The following TET1 variants were observed in gnomAD, a reference collection of about 807,000 sequenced individuals.
The protein encoded by TET1 is methylcytosine dioxygenase TET1.
TET1 carries 13 observed loss-of-function variants against 148.7 expected under a neutral mutation model. That is an observed-to-expected ratio of 0.09 (90% confidence interval 0.06 to 0.14). The LOEUF (loss-of-function observed/expected upper bound fraction) is 0.14. TET1 is among the 10% of genes least tolerant of loss of function. The pLI is 1.00. For missense variants in TET1, 2,182 were observed against 2,553.8 expected (o/e 0.85, Z 3.14); for synonymous variants, 907 against 937.2 (o/e 0.97, Z 0.59).
chr10:68,596,025 C>CATATATATATATATAT (rs1270482577), intron 2 of TET1, among the ~76,000 whole-genome samples: 3 of 55,996 alleles, frequency 5.4e-5, no homozygotes, highest in African/African-American at 1.7e-4. Context: ...CACACACACA[C>CATATATATATATATAT]ACATATATAT....
chr10:68,654,875 G>C (rs955716234), intron 6 of TET1, among the ~76,000 whole-genome samples: 10 of 152,230 alleles, frequency 6.6e-5, no homozygotes, highest in African/African-American at 2.4e-4. Flanking sequence ...GAGTGGTGCA[G>C]CTGGAAGACC....
intron 3 of TET1, among the ~76,000 whole-genome samples, chr10:68,624,966 C>T (rs1225898640): frequency 6.7e-6 from 1 of 150,110 alleles, no homozygotes; most frequent in Non-Finnish European, 1.5e-5. Context: ...GATCTCCTGA[C>T]CTCGTGATCT....
Position 68,645,414 on chromosome 10 carries a change from G to A in TET1, c.2685G>A (p.Glu895=), listed in dbSNP as rs2133086987. ...RLTLEQVVAI[E]ALTQLSEAPS... is the part of the protein sequence containing the mutation. Reference sequence around the variant, plus strand: ...CATTGGAGCAAGTGGTAGCCATAGAGGCCCTGACTCAACTCTCAGAAGCCC... The same window carrying A: ...CATTGGAGCAAGTGGTAGCCATAGAAGCCCTGACTCAACTCTCAGAAGCCC... Residue 895 remains glutamate (E), a synonymous_variant, in exon 4 of 12, where the codon GAG becomes GAA. Coordinates refer to ENST00000373644, the MANE Select transcript of TET1 (RefSeq NM_030625.3). The A allele has an allele frequency of 6.2e-7, 1 of 1,613,996 alleles. No individual in the cohort carries two copies. The highest frequency in any genetic ancestry group is 1.1e-5 in the South Asian group (1 of 91,076).
intron 2 of TET1, among the ~76,000 whole-genome samples, chr10:68,583,679 G>A (rs1226783895): frequency 1.3e-5 from 2 of 152,110 alleles, no homozygotes; most frequent in East Asian, 1.9e-4. Context: ...TCGGGAGGCC[G>A]AGGCAAGCAG....
chr10:68,603,336 C>T (rs550695346), intron 3 of TET1, among the ~76,000 whole-genome samples: 9 of 152,222 alleles, frequency 5.9e-5, no homozygotes, highest in East Asian at 1.9e-4. Flanking sequence ...TAGTTGGATA[C>T]GTGAAGAACC....
At chr10:68,671,436 A>G (rs968153713) in intron 7 of TET1, among the ~76,000 whole-genome samples, 2 of 152,054 alleles carry the variant, frequency 1.3e-5, no homozygotes, top group African/African-American at 2.4e-5. Context: ...CATTTTCTTT[A>G]TCTAATCTGT....
chr10:68,561,579 T>C (rs896946055), intron 1 of TET1, among the ~76,000 whole-genome samples: 2 of 152,070 alleles, frequency 1.3e-5, no homozygotes, highest in African/African-American at 2.4e-5. Flanking sequence ...AGCTGGGTGC[T>C]GGGGCTGGTC....
chr10:68,655,474 A>G (rs1323028164), intron 6 of TET1, among the ~76,000 whole-genome samples: 1 of 152,190 alleles, frequency 6.6e-6, no homozygotes, highest in African/African-American at 2.4e-5. Context: ...TTGTCTATTA[A>G]GTGGTAAGGA....
chr10:68,563,588 A>G (rs1372326037), intron 1 of TET1, among the ~76,000 whole-genome samples: 3 of 152,214 alleles, frequency 2.0e-5, no homozygotes, highest in Non-Finnish European at 4.4e-5. Flanking sequence ...TACATCAGTT[A>G]AGCATTTTTG....
intron 2 of TET1, among the ~76,000 whole-genome samples, chr10:68,599,672 T>C (rs2132869240): frequency 6.6e-6 from 1 of 152,320 alleles, no homozygotes; most frequent in African/African-American, 2.4e-5. Flanking sequence ...GCGAGTCTGG[T>C]GCGCAGACCG....
Position 68,614,129 on chromosome 10 carries a change from T to A in TET1, c.1968+13095T>A, listed in dbSNP as rs190493669. Among the ~76,000 whole-genome samples, 21 of 152,332 alleles carry A rather than the reference T, an allele frequency of 1.4e-4. No individual in the cohort carries two copies. The East Asian group carries it at 3.9e-3, about 28-fold the overall frequency. ...GAAGATTGGAACATTTCATGAGAAA[T>A]TTAATCCACCTGTCCAGGGTTTATT... On this transcript the variant is annotated intron_variant, in intron 3 of 11. Transcript: ENST00000373644.
At position 68,610,556 on chromosome 10, in the gene TET1, C is replaced by A. The variant is rs554787577; in HGVS notation, c.1968+9522C>A. ...CAGTGAGTTGAGATCGCCCACTGCA[C>A]TCCACCCTGGGTGACAGAGGGAGAT... On this transcript the variant is annotated intron_variant, in intron 3 of 11. Transcript: ENST00000373644. Among the ~76,000 whole-genome samples, 36 of 152,232 alleles carry A rather than the reference C, an allele frequency of 2.4e-4. No homozygotes were observed. In the South Asian group the frequency reaches 7.5e-3, roughly 32 times the overall value.
chr10:68,629,804 G>A (rs2054542429), intron 3 of TET1, among the ~76,000 whole-genome samples: 1 of 152,014 alleles, frequency 6.6e-6, no homozygotes, highest in African/African-American at 2.4e-5. Flanking sequence ...CCAAAGTGCT[G>A]GGATTACAGG....
At position 68,646,127 on chromosome 10, in the gene TET1, A is replaced by G. The variant is rs748349829; in HGVS notation, c.3398A>G (p.Asn1133Ser). The change falls in exon 4 of 12, where the codon AAT (asparagine) becomes AGT (serine). Residue 1133 changes from asparagine to serine, a missense_variant. Physicochemically the swap from Asn to Ser is conservative, Grantham distance 46. Coordinates refer to ENST00000373644, the MANE Select transcript of TET1 (RefSeq NM_030625.3). Reference sequence around the variant, plus strand: ...CAGAAACCACCTTCAAGTGTACACAATAATCATGGTTCATCATTAACAAAA... The same window carrying G: ...CAGAAACCACCTTCAAGTGTACACAGTAATCATGGTTCATCATTAACAAAA... The part of the protein sequence containing the change: ...IQQKPPSSVH[N>S]NHGSSLTKQK... 3.7e-6 allele frequency: 6 copies of G among 1,613,656 alleles called. No homozygotes were observed. Among genetic ancestry groups the G allele is most frequent in the African/African-American group, 1.3e-5 (1 of 74,868 alleles).
intron 2 of TET1, among the ~76,000 whole-genome samples, 156 bp from the exon 3 acceptor site, chr10:68,600,825 A>G (rs749433603): frequency 2.6e-5 from 4 of 152,174 alleles, no homozygotes; most frequent in Non-Finnish European, 4.4e-5. Context: ...TAAAGTATAC[A>G]TTTTACATAA....
chr10:68,646,448 C>T lies in TET1; in HGVS notation c.3719C>T (p.Thr1240Ile). Residue 1240 changes from threonine to isoleucine, a missense_variant, in exon 4 of 12, where the codon ACT becomes ATT. By Grantham distance (89) the Thr-to-Ile change is moderately conservative. Transcript: ENST00000373644. ...CCCAAAACAGTATTTCCACCACTCA[C>T]TCAGATAAAATTACAGAGATATCCT... Reference protein sequence around the residue: ...MQPKTVFPPLTQIKLQRYPES... With the variant: ...MQPKTVFPPLIQIKLQRYPES... 1.9e-6 allele frequency: 3 copies of T among 1,614,166 alleles called. No homozygotes were observed. Among genetic ancestry groups the T allele is most frequent in the Non-Finnish European group, 2.5e-6 (3 of 1,180,040 alleles).
At chr10:68,627,933 C>CT (rs1315383892) in intron 3 of TET1, among the ~76,000 whole-genome samples, 1 of 151,212 alleles carries the variant, frequency 6.6e-6, no homozygotes, top group African/African-American at 2.4e-5. Flanking sequence ...GAGACTATGT[C>CT]TAAAAAAAAA....
In TET1 at chr10:68,645,454, T is replaced by C. The variant is rs770781811; in HGVS notation, c.2725T>C (p.Ser909Pro). The C allele has an allele frequency of 1.2e-6, 2 of 1,613,852 alleles. No homozygotes were observed. The highest frequency in any genetic ancestry group is 1.7e-6 in the Non-Finnish European group (2 of 1,180,022). ...QLSEAPSENS[S>P]PSKSEKDEES... ...CTCAGAAGCCCCATCAGAGAATTCC[T>C]CCCCATCAAAGTCAGAGAAGGATGA... Residue 909 changes from serine (S) to proline (P), a missense_variant, in exon 4 of 12, where the codon TCC (serine) becomes CCC (proline). Ser to Pro is a moderately conservative substitution (Grantham distance 74, BLOSUM62 -1). Coordinates refer to ENST00000373644, the MANE Select transcript of TET1 (RefSeq NM_030625.3).
chr10:68,623,922 A>G (rs2054410864), intron 3 of TET1, among the ~76,000 whole-genome samples: 1 of 151,902 alleles, frequency 6.6e-6, no homozygotes, highest in South Asian at 2.1e-4. Flanking sequence ...TGCCACCCCA[A>G]ATCCTTTTCC....
Sources: gnomAD v4.1 joint callset for allele counts (sites outside exome capture counted in the v4.1 genomes callset) on GRCh38, gnomAD v4.1.1 for gene constraint, MANE v1.5 for transcripts, NCBI Gene and HGNC (gene_info 2026-07-23, HGNC 2026-07-21) for gene names.